The following NCAM2 variants were observed in gnomAD, a reference collection of about 807,000 sequenced individuals.
NCAM2 encodes neural cell adhesion molecule 2, also known as N-CAM-2.
A neutral mutation model predicts 98.1 loss-of-function variants in NCAM2; 30 were observed. That is an observed-to-expected ratio of 0.31 (90% CI 0.23 to 0.41). The LOEUF (loss-of-function observed/expected upper bound fraction) is 0.41. Ranked by LOEUF, NCAM2 falls within the 10% of genes least tolerant of loss-of-function variation. The probability of loss-of-function intolerance (pLI) is 1.00; values close to 1 mark genes in which losing one functional copy is unlikely to be tolerated. For missense variants in NCAM2, 867 were observed against 1,005.8 expected (o/e 0.86, Z 1.87); for synonymous variants, 368 against 342.4 (o/e 1.07, Z -0.83).
chr21:21,217,610 G>T (rs2069958760), intron 1 of NCAM2, among the ~76,000 whole-genome samples: 1 of 152,126 alleles, frequency 6.6e-6, no homozygotes, highest in African/African-American at 2.4e-5. Flanking sequence ...GTACTGCTAG[G>T]AAGGGACTTT....
chr21:21,065,445 A>G (rs1057005369), intron 1 of NCAM2, among the ~76,000 whole-genome samples: 15 of 152,160 alleles, frequency 9.9e-5, no homozygotes, highest in Non-Finnish European at 1.9e-4. Flanking sequence ...CAAAAACAAC[A>G]AATACTTTAC....
intron 10 of NCAM2, among the ~76,000 whole-genome samples, chr21:21,417,070 T>C (rs2077009782): frequency 1.3e-5 from 2 of 152,204 alleles, no homozygotes; most frequent in Admixed American, 1.3e-4. Context: ...CCAATGAAAA[T>C]GGCTCTATTT....
Position 21,286,257 on chromosome 21 carries a change from T to A in NCAM2, c.338-12T>A. ...TTTGTGATTTGTGATTTGTTTTACT[T>A]TGTTGATACAGAAAAACTCACTTTC... On this transcript the variant is annotated splice_polypyrimidine_tract_variant and intron_variant, in intron 3 of 17. Coordinates refer to ENST00000400546, the MANE Select transcript of NCAM2 (RefSeq NM_004540.5). 6.3e-7 allele frequency: 1 copy of A among 1,576,670 alleles called. No individual in the cohort carries two copies. Among genetic ancestry groups the A allele is most frequent in the Non-Finnish European group, 8.6e-7 (1 of 1,158,834 alleles).
intron 9 of NCAM2, among the ~76,000 whole-genome samples, chr21:21,378,686 C>T (rs1314798563): frequency 6.6e-6 from 1 of 151,958 alleles, no homozygotes. Flanking sequence ...ATAATTTATA[C>T]TACTTGTTCC....
intron 8 of NCAM2, among the ~76,000 whole-genome samples, chr21:21,347,510 T>TA (rs2075222529): frequency 6.6e-6 from 1 of 151,780 alleles, no homozygotes; most frequent in South Asian, 2.1e-4. Flanking sequence ...AAAGCCATAA[T>TA]AAAAATCCTC....
chr21:21,285,278 C>A (rs551774091), intron 3 of NCAM2, among the ~76,000 whole-genome samples: 31 of 151,762 alleles, frequency 2.0e-4, no homozygotes, highest in African/African-American at 7.5e-4. Flanking sequence ...ATATCTGTAG[C>A]TTTGTGTTTT....
Position 21,215,757 on chromosome 21 carries a change from C to CGT in NCAM2, c.56-64808_56-64807dup, listed in dbSNP as rs1424510297. Among the ~76,000 whole-genome samples, 47 of 150,944 alleles carry CGT rather than the reference C, an allele frequency of 3.1e-4. No individual in the cohort carries two copies. In the South Asian group the frequency reaches 3.6e-3, roughly 11 times the overall value. ...AAAATAAATAAATAAACAGAGTAAACGTGTGTGTGTGTGTATGTACATGCA... is the reference window on the plus strand; with the variant it reads ...AAAATAAATAAATAAACAGAGTAAACGTGTGTGTGTGTGTGTATGTACATGCA... On this transcript the variant is annotated intron_variant, in intron 1 of 17. Transcript: ENST00000400546.
intron 11 of NCAM2, among the ~76,000 whole-genome samples, chr21:21,431,406 C>A (rs1602320946): frequency 6.6e-6 from 1 of 150,418 alleles, no homozygotes; most frequent in African/African-American, 2.4e-5. Flanking sequence ...AATTAAATGT[C>A]CACCTAAGAT....
intron 1 of NCAM2, among the ~76,000 whole-genome samples, chr21:21,242,182 TTTTAA>T (rs1267297042): frequency 5.9e-5 from 9 of 152,132 alleles, no homozygotes; most frequent in East Asian, 1.9e-4. Context: ...TTGTCTGTAT[TTTTAA>T]TTTAACTTTT....
At chr21:21,384,873 G>A (rs951979884) in intron 9 of NCAM2, among the ~76,000 whole-genome samples, 3 of 151,902 alleles carry the variant, frequency 2.0e-5, no homozygotes, top group East Asian at 1.9e-4. Flanking sequence ...AAAATATCAC[G>A]AGATATATGT....
chr21:21,458,119 A>G (rs1391706891), intron 12 of NCAM2, among the ~76,000 whole-genome samples: 6 of 152,234 alleles, frequency 3.9e-5, no homozygotes, highest in Non-Finnish European at 8.8e-5. Flanking sequence ...GAAGGTGCCT[A>G]CAGGATCTCC....
intron 1 of NCAM2, among the ~76,000 whole-genome samples, chr21:21,202,963 T>C (rs1601635419): frequency 6.6e-6 from 1 of 152,338 alleles, no homozygotes; most frequent in East Asian, 1.9e-4. Context: ...TTTGCCACTG[T>C]GACCATCACT....
chr21:21,263,614 C>T (rs542832455), intron 1 of NCAM2, among the ~76,000 whole-genome samples: 1 of 152,138 alleles, frequency 6.6e-6, no homozygotes, highest in South Asian at 2.1e-4. Flanking sequence ...AACTATACCA[C>T]AAGAATATAT....
At chr21:21,266,710 G>T (rs144510204) in intron 1 of NCAM2, among the ~76,000 whole-genome samples, 303 of 152,066 alleles carry the variant, frequency 2.0e-3, no homozygotes, top group African/African-American at 7.1e-3. Flanking sequence ...ATCACACACC[G>T]GGGCCTGTTG....
At chr21:21,346,778 T>A (rs1394126691) in intron 8 of NCAM2, among the ~76,000 whole-genome samples, 3 of 152,044 alleles carry the variant, frequency 2.0e-5, no homozygotes, top group Non-Finnish European at 2.9e-5. Flanking sequence ...GAATGACCAG[T>A]GTGTCAATGA....
intron 5 of NCAM2, among the ~76,000 whole-genome samples, chr21:21,324,163 T>A (rs2074448366): frequency 6.6e-6 from 1 of 152,146 alleles, no homozygotes; most frequent in African/African-American, 2.4e-5. Context: ...CTGTACGTTG[T>A]GCACATGTAC....
At chr21:21,181,075 A>G (rs988360590) in intron 1 of NCAM2, among the ~76,000 whole-genome samples, 6 of 152,168 alleles carry the variant, frequency 3.9e-5, no homozygotes, top group Non-Finnish European at 8.8e-5. Context: ...CCTACTGATC[A>G]AACTATACAT....
At position 21,373,743 on chromosome 21, in the gene NCAM2, A is replaced by T. The variant is rs190696408; in HGVS notation, c.1045-120A>T. On this transcript the variant is annotated intron_variant, in intron 8 of 17. Transcript: ENST00000400546. ...TACAAGAAATACTTTCTACATCAGG[A>T]ACAGTTTCTTTTTTCTTTTTGCCAG... 1.7e-5 allele frequency: 15 copies of T among 887,220 alleles called. No homozygotes were observed. In the East Asian group the frequency reaches 4.3e-4, roughly 26 times the overall value. The allele number at this position is 887,220 out of a possible 1,614,324, so 55.0% of individuals were successfully genotyped here.
intron 1 of NCAM2, among the ~76,000 whole-genome samples, chr21:21,235,565 A>G (rs917316476): frequency 4.6e-5 from 7 of 152,082 alleles, no homozygotes; most frequent in African/African-American, 1.7e-4. Context: ...CAAGTAGTCA[A>G]TCTATCTTCA....
Sources: gnomAD v4.1 joint callset for allele counts (sites outside exome capture counted in the v4.1 genomes callset) on GRCh38, gnomAD v4.1.1 for gene constraint, MANE v1.5 for transcripts, NCBI Gene and HGNC (gene_info 2026-07-23, HGNC 2026-07-21) for gene names.